The following LRP1 variants were observed in gnomAD, a reference collection of about 807,000 sequenced individuals.
LRP1 encodes the protein prolow-density lipoprotein receptor-related protein 1.
LRP1 carries 51 observed loss-of-function variants against 541.5 expected under a neutral mutation model. The ratio of observed to expected loss-of-function variants is 0.09; its 90% CI spans 0.08 to 0.12. LRP1 has a LOEUF of 0.12. Among genes scored for constraint, LRP1 ranks in the 10% least tolerant of loss-of-function variants. LRP1 has a pLI of 1.00. For synonymous variants in LRP1, 2,219 were observed against 2,470.8 expected, an observed-to-expected ratio of 0.90 and a Z score of 3.02; for missense variants, 3,878 against 6,376.2, an observed-to-expected ratio of 0.61 and a Z score of 13.34.
chr12:57,194,157 TC>T, intron 48 of LRP1, 145 bp downstream of exon 48: 1 of 989,982 alleles, frequency 1.0e-6, no homozygotes, highest in Non-Finnish European at 1.5e-6. Context: ...TGAGGCCCTG[TC>T]CCCATCCCGC....
At position 57,187,268 on chromosome 12, in the gene LRP1, C is replaced by T. The variant is rs757350680; in HGVS notation, c.6843C>T (p.Asn2281=). 3 of 1,611,482 alleles carry T rather than the reference C, an allele frequency of 1.9e-6. No individual in the cohort carries two copies. The highest frequency in any genetic ancestry group is 1.7e-5 in the Admixed American group (1 of 59,876). ...DGSRRITIVE[N]VGSVEGLAYH... ...ATCGCTGCTCCTGTCTCTTCACAGA[C>T]GTGGGCTCCGTGGAAGGCCTGGCCT... is the stretch of plus-strand genomic sequence containing the variant. The change falls in exon 42 of 89, where the codon AAC becomes AAT. Residue 2281 remains asparagine, a splice_region_variant and synonymous_variant. Transcript: ENST00000243077.
rs769778868 is a variant in LRP1 at position 57,150,189 on chromosome 12, CTT to C, written c.842-4000_842-3999del. 199 of 92,876 alleles carry C rather than the reference CTT, an allele frequency of 2.1e-3. 3 individuals are homozygous for C. Among genetic ancestry groups the C allele is most frequent in the African/African-American group, 7.8e-3 (153 of 19,494 alleles). 5.8% of individuals were successfully genotyped at this position (92,876 alleles called of 1,614,324 possible). ...GAGCCTGTAACAGGAAAACTTCCTT[CTT>C]TTTTTTTTTTTTTTTTTTGAGATGG... On this transcript the variant is annotated intron_variant, in intron 6 of 88. Transcript: ENST00000243077.
Position 57,192,895 on chromosome 12 carries a change from C to G in LRP1, c.7480C>G (p.Leu2494Val). ...INNGGCQDLC[L>V]LTHQGHVNCS... is the part of the protein sequence containing the mutation. ...CAACGGTGGCTGCCAGGACCTGTGT[C>G]TGCTCACTCACCAGGGCCATGTCAA... Residue 2494 changes from leucine (L) to valine (V), a missense_variant, in exon 45 of 89, where the codon CTG becomes GTG. Transcript: ENST00000243077. The G allele has an allele frequency of 1.9e-6, 3 of 1,614,146 alleles. No individual in the cohort carries two copies. The highest frequency in any genetic ancestry group is 2.5e-6 in the Non-Finnish European group (3 of 1,180,036).
At chr12:57,146,532 A>C (rs2035409616) in intron 6 of LRP1, 1 of 152,212 alleles carries the variant, frequency 6.6e-6, no homozygotes, top group African/African-American at 2.4e-5. Context: ...TGTGATGAAA[A>C]GAAAGATCCC....
rs1011014349 is a variant in LRP1, at chr12:57,200,550, G to T, written c.10108+15G>T. The stretch of plus-strand genomic sequence containing the variant: ...CCCGGACTGCCGTGAGTGCCTGCTG[G>T]GGGTGACAGGAGGGCCCCCAGCTGT... On this transcript the variant is annotated intron_variant, in intron 63 of 88. Transcript: ENST00000243077. The T allele has an allele frequency of 5.0e-6, 8 of 1,610,126 alleles. No homozygotes were observed. Among genetic ancestry groups the T allele is most frequent in the Non-Finnish European group, 6.8e-6 (8 of 1,176,958 alleles).
At position 57,178,262 on chromosome 12, in the gene LRP1, AG is replaced by A; in HGVS notation, c.4362-94del. ...GAATGGTCCCATGCTCTTCGCTGGG[AG>A]GGCTGTGGCCAGGGCCCAGAGGGTG... On this transcript the variant is annotated intron_variant, in intron 26 of 88. Transcript: ENST00000243077. This position sits in a 1 kb window ranked among gnomAD's most constrained non-coding sequence, Gnocchi z 5.8. The A allele has an allele frequency of 1.4e-6, 2 of 1,421,292 alleles. No individual in the cohort carries two copies. Among genetic ancestry groups the A allele is most frequent in the Non-Finnish European group, 1.9e-6 (2 of 1,037,996 alleles). The allele number at this position is 1,421,292 out of a possible 1,614,324, so 88.0% of individuals were successfully genotyped here.
intron 10 of LRP1, 132 bp downstream of exon 10, chr12:57,157,052 G>A: frequency 1.7e-6 from 2 of 1,153,442 alleles, no homozygotes; most frequent in Non-Finnish European, 2.3e-6. Flanking sequence ...GTACCTGCTA[G>A]TGAGGGCAGA....
chr12:57,202,317 TG>T, intron 67 of LRP1, 103 bp from the exon 68 acceptor site: 1 of 896,884 alleles, frequency 1.1e-6, no homozygotes, highest in Non-Finnish European at 1.9e-6. Flanking sequence ...CTTCCCAAGC[TG>T]GGATGCCCAC....
In LRP1 at chr12:57,202,543, T is replaced by TGGGGGGGCCCCCCCC; in HGVS notation, c.10711+6_10711+7insGGGGGGGCCCCCCCC. On this transcript the variant is annotated splice_region_variant and intron_variant, in intron 68 of 88. Coordinates refer to ENST00000243077, the MANE Select transcript of LRP1 (RefSeq NM_002332.3). The stretch of plus-strand genomic sequence containing the variant: ...CTCCGATGAAGAGAGCTGCAGTACG[T>TGGGGGGGCCCCCCCC]CCCCACCCACCCAGCCCCGCATGAG... 2 of 1,523,638 alleles carry TGGGGGGGCCCCCCCC rather than the reference T, an allele frequency of 1.3e-6. No homozygotes were observed. Among genetic ancestry groups the TGGGGGGGCCCCCCCC allele is most frequent in the Non-Finnish European group, 1.8e-6 (2 of 1,124,814 alleles). 94.4% of individuals were successfully genotyped at this position (1,523,638 alleles called of 1,614,324 possible).
chr12:57,177,630 G>T lies in LRP1; in HGVS notation c.4361+39G>T. 6.2e-7 allele frequency: 1 copy of T among 1,609,368 alleles called. No homozygotes were observed. The highest frequency in any genetic ancestry group is 8.5e-7 in the Non-Finnish European group (1 of 1,177,780). ...GTGCCCTGAGAAGGCCCAAGTCTGT[G>T]GCACCAGGACGGGGTGGGGAGGAAC... On this transcript the variant is annotated intron_variant, in intron 26 of 88. Transcript: ENST00000243077. The surrounding 1 kb of genome is among the most constrained non-coding windows in gnomAD (Gnocchi z 6.8).
intron 63 of LRP1, 75 bp from the exon 64 acceptor site, chr12:57,200,624 G>T: frequency 6.5e-7 from 1 of 1,544,760 alleles, no homozygotes. Flanking sequence ...GAGAGGCTGG[G>T]GCTGTGGTGC....
intron 34 of LRP1, among the ~76,000 whole-genome samples, chr12:57,182,829 CAAAGAAAAACA>C (rs2036192476): frequency 6.6e-6 from 1 of 151,812 alleles, no homozygotes; most frequent in South Asian, 2.1e-4. Context: ...AAAAAACAAA[CAAAGAAAAACA>C]AAAGAAAAGA....
At chr12:57,140,146 C>G (rs149476629) in intron 2 of LRP1, among the ~76,000 whole-genome samples, 1 of 151,930 alleles carries the variant, frequency 6.6e-6, no homozygotes, top group Non-Finnish European at 1.5e-5. Flanking sequence ...CACTATGTTG[C>G]CTTGGCTGAT....
chr12:57,179,018 T>C lies in LRP1; in HGVS notation c.4735T>C (p.Tyr1579His), dbSNP rs1194185019. 1 of 1,613,664 alleles carries C rather than the reference T, an allele frequency of 6.2e-7. No homozygotes were observed. ...GCTCCACAAGGACAACACCACCTGC[T>C]ATGGTAGGAGCCCCTCCCTCCAGAG... Reference protein sequence around the residue: ...MKLHKDNTTCYEFKKFLLYAR... With the variant: ...MKLHKDNTTCHEFKKFLLYAR... Residue 1579 changes from tyrosine (Y) to histidine (H), a missense_variant, in exon 28 of 89, where the codon TAT (tyrosine) becomes CAT (histidine). Transcript: ENST00000243077. This position sits in a 1 kb window ranked among gnomAD's most constrained non-coding sequence, Gnocchi z 6.8.
intron 81 of LRP1, 53 bp downstream of exon 81, chr12:57,210,222 G>C: frequency 6.4e-7 from 1 of 1,552,100 alleles, no homozygotes; most frequent in Admixed American, 1.8e-5. Flanking sequence ...TCTCCTTCCT[G>C]TGGCTCCTGA....
Position 57,161,102 on chromosome 12 carries a change from G to A in LRP1, c.2189G>A (p.Gly730Asp), listed in dbSNP as rs1355537601. The A allele has an allele frequency of 6.2e-7, 1 of 1,612,998 alleles. No homozygotes were observed. Among genetic ancestry groups the A allele is most frequent in the South Asian group, 1.1e-5 (1 of 91,082 alleles). The change falls in exon 13 of 89, where the codon GGC becomes GAC. Residue 730 changes from glycine (G) to aspartate (D), a missense_variant. By Grantham distance (94) the Gly-to-Asp change is moderately conservative. This residue lies in a region of LRP1 where 496 missense variants were observed against 861.0 expected (regional missense o/e 0.58). Coordinates refer to ENST00000243077, the MANE Select transcript of LRP1 (RefSeq NM_002332.3). ...CGCATCGAGACGATACTGCTCAATG[G>A]CACAGACCGGAAGGTGGGCAGGCAT... ...YDRIETILLNGTDRKIVYEGP... is the reference protein window; with the variant it reads ...YDRIETILLNDTDRKIVYEGP...
In LRP1 at chr12:57,184,548, A is replaced by C. The variant is rs2036230974; in HGVS notation, c.6186+96A>C. 2.0e-6 allele frequency: 3 copies of C among 1,528,058 alleles called. No homozygotes were observed. The highest frequency in any genetic ancestry group is 2.7e-6 in the Non-Finnish European group (3 of 1,131,732). 94.7% of individuals were successfully genotyped at this position (1,528,058 alleles called of 1,614,324 possible). ...CCCATTCTGGGAGGACTTGGAGCCC[A>C]GGGGAAGTCACAGGGTCTCCCAGCC... On this transcript the variant is annotated intron_variant, in intron 38 of 88. Transcript: ENST00000243077. This position sits in a 1 kb window ranked among gnomAD's most constrained non-coding sequence, Gnocchi z 7.8.
chr12:57,129,638 C>A (rs1194685649), intron 1 of LRP1, among the ~76,000 whole-genome samples: 3 of 152,214 alleles, frequency 2.0e-5, no homozygotes, highest in African/African-American at 7.2e-5. Context: ...CCTCTCAGGG[C>A]CTCTGTCAGT....
In LRP1 at chr12:57,202,543, T is replaced by TGGGGCCCCCCCCCCC; in HGVS notation, c.10711+6_10711+7insGGGGCCCCCCCCCCC. On this transcript the variant is annotated splice_region_variant and intron_variant, in intron 68 of 88. Transcript: ENST00000243077. ...CTCCGATGAAGAGAGCTGCAGTACG[T>TGGGGCCCCCCCCCCC]CCCCACCCACCCAGCCCCGCATGAG... 6.6e-7 allele frequency: 1 copy of TGGGGCCCCCCCCCCC among 1,523,636 alleles called. No homozygotes were observed. 94.4% of individuals were successfully genotyped at this position (1,523,636 alleles called of 1,614,324 possible).
Sources: allele counts gnomAD v4.1 joint callset (sites outside exome capture counted in the v4.1 genomes callset), GRCh38; gene constraint gnomAD v4.1.1; regional missense constraint gnomAD v4.1.1; non-coding constraint Gnocchi (gnomAD v3.1); transcripts MANE v1.5; gene names NCBI Gene and HGNC (gene_info 2026-07-23, HGNC 2026-07-21).